CAMSAP2: variants seen among roughly 807,000 people sequenced by gnomAD.
CAMSAP2 encodes calmodulin regulated spectrin associated protein family member 2.
Under a neutral mutation model 146.1 loss-of-function variants are expected in CAMSAP2, and 26 were observed. That is an observed-to-expected ratio of 0.18 (90% CI 0.13 to 0.25). The LOEUF (loss-of-function observed/expected upper bound fraction) is 0.25, where lower values mean the gene tolerates loss of function less well. Ranked by LOEUF, CAMSAP2 falls within the 10% of genes least tolerant of loss-of-function variation. The probability of loss-of-function intolerance (pLI) is 1.00; values close to 1 mark genes in which losing one functional copy is unlikely to be tolerated. For missense variants in CAMSAP2, 1,381 were observed against 1,759.3 expected, an observed-to-expected ratio of 0.78 and a Z score of 3.85; for synonymous variants, 499 against 596.6, an observed-to-expected ratio of 0.84 and a Z score of 2.38.
Position 200,853,543 on chromosome 1 carries a change from G to A in CAMSAP2, c.3823+48G>A, listed in dbSNP as rs376435416. 2.8e-6 allele frequency: 4 copies of A among 1,424,598 alleles called. No individual in the cohort carries two copies. The African/African-American group carries it at 5.7e-5, about 20-fold the overall frequency. The allele number at this position is 1,424,598 out of a possible 1,614,324, so 88.2% of individuals were successfully genotyped here. ...GTCTGTTCATAAAAAACACCAGCTT[G>A]ATTGGTTTGTCATACTAACTTGGTT... On this transcript the variant is annotated intron_variant, in intron 13 of 16. Coordinates refer to ENST00000358823, the MANE Select transcript of CAMSAP2 (RefSeq NM_203459.4). This position sits in a 1 kb window ranked among gnomAD's most constrained non-coding sequence, Gnocchi z 5.1.
intron 2 of CAMSAP2, among the ~76,000 whole-genome samples, chr1:200,765,018 C>T (rs1462037148): frequency 6.6e-6 from 1 of 152,052 alleles, no homozygotes; most frequent in Non-Finnish European, 1.5e-5. Flanking sequence ...GCAGGAGAAT[C>T]ACTTGAAACC....
In CAMSAP2 at chr1:200,852,532, C is replaced by T. The variant is rs527737880; in HGVS notation, c.3466-9C>T. On this transcript the variant is annotated splice_polypyrimidine_tract_variant and intron_variant, in intron 11 of 16. Transcript: ENST00000358823. ...ATGTTTGATCGTTTTCAATGAAATT[C>T]GTTCTTAGGATGATCAAAAAGCAGA... 2.4e-5 allele frequency: 39 copies of T among 1,597,068 alleles called. No individual in the cohort carries two copies. In the Admixed American group the frequency reaches 5.1e-4, roughly 21 times the overall value.
rs1006138155 is a variant in CAMSAP2, at chr1:200,849,610, A to G, written c.2841A>G (p.Pro947=). The change falls in exon 11 of 17, where the codon CCA becomes CCG. Residue 947 remains proline (P), a synonymous_variant. Transcript: ENST00000358823. The surrounding 1 kb of genome is among the most constrained non-coding windows in gnomAD (Gnocchi z 6.3). The stretch of plus-strand genomic sequence containing the variant: ...CAGGCCTGTCATCAGCCATTGCACC[A>G]TTCTCCTCAGACTCCCCTCGTCCTA... The part of the protein sequence containing the change: ...KQAGLSSAIA[P]FSSDSPRPTH... 1.2e-6 allele frequency: 2 copies of G among 1,614,182 alleles called. No homozygotes were observed. Among genetic ancestry groups the G allele is most frequent in the Non-Finnish European group, 8.5e-7 (1 of 1,180,028 alleles).
chr1:200,854,982 T>C, intron 14 of CAMSAP2, 93 bp downstream of exon 14: 4 of 891,006 alleles, frequency 4.5e-6, no homozygotes, highest in Non-Finnish European at 6.8e-6. Context: ...TGTTTTTACA[T>C]TTTATAATGA....
chr1:200,746,679 C>T (rs148760979), intron 1 of CAMSAP2, among the ~76,000 whole-genome samples: 3 of 148,970 alleles, frequency 2.0e-5, no homozygotes, highest in African/African-American at 2.5e-5. Flanking sequence ...AGTGCAGTGG[C>T]GTGATCTCGG....
chr1:200,846,718 A>G (rs981679411), intron 8 of CAMSAP2, among the ~76,000 whole-genome samples: 5 of 152,184 alleles, frequency 3.3e-5, no homozygotes, highest in African/African-American at 7.2e-5. Context: ...TATGAGAAAG[A>G]AAAAAACAAA....
chr1:200,807,115 G>A (rs1181005893), intron 2 of CAMSAP2, among the ~76,000 whole-genome samples: 3 of 152,044 alleles, frequency 2.0e-5, no homozygotes, highest in Non-Finnish European at 4.4e-5. Context: ...ATAAAAAATA[G>A]GAAAAACAAG....
At chr1:200,750,119 C>G (rs958856579) in intron 1 of CAMSAP2, among the ~76,000 whole-genome samples, 2 of 151,884 alleles carry the variant, frequency 1.3e-5, no homozygotes, top group African/African-American at 4.8e-5. Context: ...TGGTTTGGAG[C>G]GGGGAGCAGA....
chr1:200,739,216 G>T lies in CAMSAP2; in HGVS notation c.-612G>T, dbSNP rs557477154. ...AGCCGCAGTGATTTTGACGTTTTCC[G>T]CTGCTGCGTCTCCGGCGGGCAGGGG... On this transcript the variant is annotated 5_prime_UTR_variant, in exon 1 of 17. Coordinates refer to ENST00000358823, the MANE Select transcript of CAMSAP2 (RefSeq NM_203459.4). This position sits in a 1 kb window ranked among gnomAD's most constrained non-coding sequence, Gnocchi z 4.8. Among the ~76,000 whole-genome samples the T allele has an allele frequency of 5.7e-4, 86 of 152,186 alleles. No individual in the cohort carries two copies. The highest frequency in any genetic ancestry group is 1.5e-3 in the African/African-American group (63 of 41,532).
chr1:200,817,472 A>C (rs1275736194), intron 4 of CAMSAP2, among the ~76,000 whole-genome samples: 1 of 152,156 alleles, frequency 6.6e-6, no homozygotes, highest in African/African-American at 2.4e-5. Flanking sequence ...ACGTCTTTTA[A>C]AATGTATTGT....
intron 2 of CAMSAP2, among the ~76,000 whole-genome samples, chr1:200,769,411 C>T (rs1199377337): frequency 1.3e-5 from 2 of 152,140 alleles, no homozygotes; most frequent in African/African-American, 2.4e-5. Context: ...CAACGGACAC[C>T]AGTGGGGTGT....
rs146360267 is a variant in CAMSAP2 at position 200,758,721 on chromosome 1, G to A, written c.140-2118G>A. Reference sequence around the variant, plus strand: ...AACTGAGTTTTTGATCTTGCTTTTAGAATTGGTGCTGCCTCTGATTTTCAT... The same window carrying A: ...AACTGAGTTTTTGATCTTGCTTTTAAAATTGGTGCTGCCTCTGATTTTCAT... On this transcript the variant is annotated intron_variant, in intron 1 of 16. Transcript: ENST00000358823. Among the ~76,000 whole-genome samples the A allele has an allele frequency of 5.3e-5, 8 of 152,204 alleles. No homozygotes were observed. The East Asian group carries it at 1.5e-3, about 29-fold the overall frequency.
chr1:200,850,346 G>A, intron 11 of CAMSAP2, 112 bp downstream of exon 11: 4 of 891,006 alleles, frequency 4.5e-6, no homozygotes, highest in South Asian at 4.0e-5. Flanking sequence ...AGTCCCTTTT[G>A]ATACAAGTTC....
At chr1:200,778,545 A>G (rs928132789) in intron 2 of CAMSAP2, among the ~76,000 whole-genome samples, 8 of 152,104 alleles carry the variant, frequency 5.3e-5, no homozygotes, top group Non-Finnish European at 8.8e-5. Flanking sequence ...GTTTCAGTTA[A>G]CCAGTGATCA....
At chr1:200,743,115 C>G (rs902172443) in intron 1 of CAMSAP2, among the ~76,000 whole-genome samples, 2 of 152,180 alleles carry the variant, frequency 1.3e-5, no homozygotes, top group Non-Finnish European at 2.9e-5. Context: ...TGTGCCTTTT[C>G]TATATTTGAA....
At chr1:200,816,634 A>C (rs1407928895) in intron 4 of CAMSAP2, among the ~76,000 whole-genome samples, 1 of 145,116 alleles carries the variant, frequency 6.9e-6, no homozygotes, top group African/African-American at 2.5e-5. Context: ...ATGTATATAT[A>C]TACACACACA....
At chr1:200,752,262 A>T (rs1316953824) in intron 1 of CAMSAP2, among the ~76,000 whole-genome samples, 2 of 152,172 alleles carry the variant, frequency 1.3e-5, no homozygotes, top group East Asian at 3.8e-4. Context: ...TTTTGAGCAC[A>T]GTTTCTTCAG....
At chr1:200,782,753 T>C (rs1665472088) in intron 2 of CAMSAP2, among the ~76,000 whole-genome samples, 1 of 151,858 alleles carries the variant, frequency 6.6e-6, no homozygotes, top group Non-Finnish European at 1.5e-5. Flanking sequence ...AGCTATGATT[T>C]GTATTTAGAC....
chr1:200,853,428 A>C lies in CAMSAP2; in HGVS notation c.3756A>C (p.Lys1252Asn), dbSNP rs1338468801. Residue 1252 changes from lysine (K) to asparagine (N), a missense_variant, in exon 13 of 17, where the codon AAA (lysine) becomes AAC (asparagine). Lys to Asn is a moderately conservative substitution (Grantham distance 94). Around this residue, in one of 4 missense-constraint regions of CAMSAP2, gnomAD observed 560 missense variants for 715.9 expected, o/e 0.78. Coordinates refer to ENST00000358823, the MANE Select transcript of CAMSAP2 (RefSeq NM_203459.4). The surrounding 1 kb of genome is among the most constrained non-coding windows in gnomAD (Gnocchi z 5.1). Reference protein sequence around the residue: ...KPRPQVVKQKKQRPKSIHRDH... With the variant: ...KPRPQVVKQKNQRPKSIHRDH... ...GTCCTCAAGTAGTAAAACAAAAAAA[A>C]CAGCGACCAAAATCTATTCACAGAG... 1 of 1,613,888 alleles carries C rather than the reference A, an allele frequency of 6.2e-7. No homozygotes were observed. Among genetic ancestry groups the C allele is most frequent in the Admixed American group, 1.7e-5 (1 of 60,004 alleles).
Sources: gnomAD v4.1 joint callset for allele counts (sites outside exome capture counted in the v4.1 genomes callset) on GRCh38, gnomAD v4.1.1 for gene constraint, gnomAD v4.1.1 regional missense constraint, Gnocchi (gnomAD v3.1) non-coding constraint, MANE v1.5 for transcripts, NCBI Gene and HGNC (gene_info 2026-07-23, HGNC 2026-07-21) for gene names.